The following PWWP2A variants were observed in gnomAD, a reference collection of about 807,000 sequenced individuals.
The protein encoded by PWWP2A is PWWP domain-containing protein 2A.
Under a neutral mutation model 48.5 loss-of-function variants are expected in PWWP2A, and 18 were observed. The observed-to-expected ratio is 0.37, with a 90% CI of 0.26 to 0.55. PWWP2A has a LOEUF of 0.55. Ranked by LOEUF, PWWP2A falls within the 20% of genes least tolerant of loss-of-function variation. The pLI, the probability that PWWP2A is intolerant of heterozygous loss-of-function variation, is 0.81. For missense variants in PWWP2A, 867 were observed against 976.4 expected, an observed-to-expected ratio of 0.89 and a Z score of 1.49; for synonymous variants, 396 against 387.7, an observed-to-expected ratio of 1.02 and a Z score of -0.25.
chr5:160,094,580 G>A (rs1359072903), intron 1 of PWWP2A, among the ~76,000 whole-genome samples: 1 of 152,150 alleles, frequency 6.6e-6, no homozygotes, highest in Non-Finnish European at 1.5e-5. Flanking sequence ...TTCAAAGAAA[G>A]TTGCTCTTTT....
chr5:160,051,396 G>A, the PWWP2A span, among the ~76,000 whole-genome samples: 1 of 152,008 alleles, frequency 6.6e-6, no homozygotes, highest in Non-Finnish European at 1.5e-5. Context: ...TGATTTTCTT[G>A]GAAATTTTTC....
chr5:160,107,454 T>G (rs1757016435), intron 1 of PWWP2A, among the ~76,000 whole-genome samples: 1 of 152,178 alleles, frequency 6.6e-6, no homozygotes, highest in South Asian at 2.1e-4. Context: ...ACTCAAGAAT[T>G]TAGGGAAAAC....
rs563851074 is a variant in PWWP2A at position 160,066,240 on chromosome 5, G to C, written c.*236+308C>G. 2.7e-5 allele frequency among the ~76,000 whole-genome samples: 4 copies of C among 149,806 alleles called. No individual in the cohort carries two copies. In the South Asian group the frequency reaches 8.4e-4, roughly 32 times the overall value. On this transcript the variant is annotated intron_variant and NMD_transcript_variant, in intron 4 of 5. Coordinates refer to the PWWP2A transcript ENST00000524050. ...ACCGTGTGGAATGCTGGATGGTCTG[G>C]TAGTCAGTGTTCGGTGCTTCCTGTG...
At chr5:160,089,719 T>G, downstream of PWWP2A, 3 of 1,245,250 alleles carry the variant, frequency 2.4e-6, no homozygotes, top group South Asian at 4.2e-5. Context: ...GTTTCTCCCC[T>G]GGCCAATCCT....
chr5:160,117,017 G>C (rs188986969), intron 1 of PWWP2A, among the ~76,000 whole-genome samples: 1 of 152,108 alleles, frequency 6.6e-6, no homozygotes, highest in Non-Finnish European at 1.5e-5. Flanking sequence ...ACTTGAACCA[G>C]GGAGGTGGAG....
chr5:160,109,814 A>T (rs1757358308), intron 1 of PWWP2A, among the ~76,000 whole-genome samples: 2 of 119,232 alleles, frequency 1.7e-5, no homozygotes, highest in African/African-American at 6.2e-5. Context: ...TATATAAAAT[A>T]ATATAATAAT....
chr5:160,060,608 G>A (rs563802594), downstream of PWWP2A, among the ~76,000 whole-genome samples: 3 of 152,312 alleles, frequency 2.0e-5, no homozygotes, highest in East Asian at 5.8e-4. Flanking sequence ...GGAAAGTGTG[G>A]CAGATAGGCT....
At chr5:160,052,548 C>CAAAAAAA in the PWWP2A span, among the ~76,000 whole-genome samples, 8 of 68,064 alleles carry the variant, frequency 1.2e-4, no homozygotes, top group African/African-American at 2.3e-4. Context: ...TCTATTTTAG[C>CAAAAAAA]AAAAAAAAAA....
At chr5:160,073,394 A>T (rs545005417), downstream of PWWP2A, among the ~76,000 whole-genome samples, 2 of 151,770 alleles carry the variant, frequency 1.3e-5, no homozygotes, top group African/African-American at 4.8e-5. Context: ...ACGCCCGGCT[A>T]ATTTTTGTAT....
downstream of PWWP2A, among the ~76,000 whole-genome samples, chr5:160,074,728 A>G (rs1385843816): frequency 6.6e-6 from 1 of 151,984 alleles, no homozygotes; most frequent in Non-Finnish European, 1.5e-5. Context: ...CCTGGGCAAC[A>G]AGAGCAAGAC....
chr5:160,109,774 AATATATATATAT>A (rs1223846862), intron 1 of PWWP2A, among the ~76,000 whole-genome samples: 1 of 25,234 alleles, frequency 4.0e-5, no homozygotes, highest in Non-Finnish European at 7.1e-5. Context: ...AAAAAAAAAA[AATATATATATAT>A]ATATATATAT....
intron 2 of PWWP2A, among the ~76,000 whole-genome samples, chr5:160,085,069 C>T (rs1383152138): frequency 6.6e-6 from 1 of 152,072 alleles, no homozygotes; most frequent in Non-Finnish European, 1.5e-5. Context: ...CACTCTGTTA[C>T]CCAGGCTGGA....
At chr5:160,070,518 G>A (rs890372162) in intron 2 of PWWP2A, among the ~76,000 whole-genome samples, 1 of 152,136 alleles carries the variant, frequency 6.6e-6, no homozygotes, top group Admixed American at 6.5e-5. Flanking sequence ...TTCCATGTGT[G>A]CTTCCCTTCC....
At chr5:160,111,603 C>T (rs1757583018) in intron 1 of PWWP2A, among the ~76,000 whole-genome samples, 1 of 152,044 alleles carries the variant, frequency 6.6e-6, no homozygotes, top group African/African-American at 2.4e-5. Context: ...GACTGCACTC[C>T]AGTCTCTGTG....
downstream of PWWP2A, chr5:160,090,456 C>G (rs1561664366): frequency 1.0e-6 from 1 of 981,912 alleles, no homozygotes; most frequent in Non-Finnish European, 1.2e-6. Flanking sequence ...TATAACTTCT[C>G]AACCACACTG....
At chr5:160,053,818 C>T in the PWWP2A span, among the ~76,000 whole-genome samples, 1 of 152,106 alleles carries the variant, frequency 6.6e-6, no homozygotes, top group Admixed American at 6.5e-5. Context: ...TTTCTTCCAT[C>T]TCTGTAATTT....
In PWWP2A at chr5:160,093,230, C is replaced by A. The variant is rs1310056270; in HGVS notation, c.1420G>T (p.Val474Phe). ...CTGTACCTCTGTGGTTTTAAACGAACCCGGGGTGGAAGGGAACCTGAGCTA... is the reference window on the plus strand; with the variant it reads ...CTGTACCTCTGTGGTTTTAAACGAAACCGGGGTGGAAGGGAACCTGAGCTA... The part of the protein sequence containing the change: ...NPSSGSLPPR[V>F]RLKPQRYRNE... The change falls in exon 2 of 2, where the codon GTT (valine) becomes TTT (phenylalanine). Residue 474 changes from valine (V) to phenylalanine (F), a missense_variant. Coordinates refer to ENST00000307063, the MANE Select transcript of PWWP2A (RefSeq NM_001130864.2). The surrounding 1 kb of genome is among the most constrained non-coding windows in gnomAD (Gnocchi z 5.8). 6.2e-7 allele frequency: 1 copy of A among 1,613,932 alleles called. No homozygotes were observed.
chr5:160,073,522 C>T (rs974547723), downstream of PWWP2A, among the ~76,000 whole-genome samples: 24 of 152,180 alleles, frequency 1.6e-4, no homozygotes, highest in African/African-American at 5.3e-4. Context: ...CCACCATGCC[C>T]GGCCAAAAAC....
At chr5:160,048,852 G>A in the PWWP2A span, among the ~76,000 whole-genome samples, 2 of 152,302 alleles carry the variant, frequency 1.3e-5, no homozygotes, top group South Asian at 4.1e-4. Context: ...GTGGGAGGCT[G>A]AGGTAGGAGA....
Sources: allele counts gnomAD v4.1 joint callset (sites outside exome capture counted in the v4.1 genomes callset), GRCh38; gene constraint gnomAD v4.1.1; non-coding constraint Gnocchi (gnomAD v3.1); transcripts MANE v1.5; gene names NCBI Gene and HGNC (gene_info 2026-07-23, HGNC 2026-07-21).